The following TMEM232 variants were observed in gnomAD, a reference collection of about 807,000 sequenced individuals.
TMEM232 encodes transmembrane protein 232.
In TMEM232, 80 loss-of-function variants were observed where a neutral mutation model predicts 78.8. The observed-to-expected ratio is 1.01, with a 90% confidence interval of 0.85 to 1.22. TMEM232 has a LOEUF of 1.22. Among genes scored for constraint, TMEM232 ranks in the 50% most tolerant of loss-of-function variants. The pLI is 0.00. For synonymous variants in TMEM232, 297 were observed against 254.3 expected (o/e 1.17, Z -1.60); for missense variants, 881 against 742.2 (o/e 1.19, Z -2.17).
intron 1 of TMEM232, among the ~76,000 whole-genome samples, chr5:110,690,943 G>A (rs577122758): frequency 6.6e-6 from 1 of 152,110 alleles, no homozygotes; most frequent in Non-Finnish European, 1.5e-5. Flanking sequence ...GTGGACATAG[G>A]GAGGGGAACG....
At chr5:110,469,553 G>A (rs1055720112) in intron 12 of TMEM232, among the ~76,000 whole-genome samples, 8 of 152,112 alleles carry the variant, frequency 5.3e-5, no homozygotes, top group African/African-American at 1.9e-4. Context: ...CATGGAACCT[G>A]AGCTAAAGCT....
intron 4 of TMEM232, among the ~76,000 whole-genome samples, chr5:110,639,305 G>T (rs1338832387): frequency 6.6e-6 from 1 of 152,188 alleles, no homozygotes; most frequent in South Asian, 2.1e-4. Context: ...TGTGAAGAGA[G>T]TAAGAAGTCA....
At chr5:110,561,844 A>G (rs540134860) in intron 11 of TMEM232, among the ~76,000 whole-genome samples, 50 of 152,220 alleles carry the variant, frequency 3.3e-4, no homozygotes, top group African/African-American at 1.1e-3. Flanking sequence ...CCAGCTGGAT[A>G]ATGCACTTAT....
At chr5:110,647,897 A>G (rs994618952) in intron 2 of TMEM232, among the ~76,000 whole-genome samples, 2 of 152,024 alleles carry the variant, frequency 1.3e-5, no homozygotes, top group African/African-American at 4.8e-5. Context: ...TATTTTGGTT[A>G]CCACCTCTGC....
chr5:110,686,870 A>T (rs965568158), intron 1 of TMEM232, among the ~76,000 whole-genome samples: 1 of 152,132 alleles, frequency 6.6e-6, no homozygotes, highest in Non-Finnish European at 1.5e-5. Context: ...GGCTCTGTCT[A>T]AATCTTCCTT....
chr5:110,479,094 G>A (rs2149391526), intron 12 of TMEM232, among the ~76,000 whole-genome samples: 1 of 151,470 alleles, frequency 6.6e-6, no homozygotes, highest in South Asian at 2.1e-4. Context: ...TCTATATATA[G>A]CTTCGTGACT....
chr5:110,665,557 A>G (rs1301875536), intron 2 of TMEM232, among the ~76,000 whole-genome samples: 1 of 152,086 alleles, frequency 6.6e-6, no homozygotes, highest in Non-Finnish European at 1.5e-5. Context: ...AGCACCAGAC[A>G]CCTATCAAAC....
Position 110,641,033 on chromosome 5 carries a change from G to C in TMEM232, c.238-37C>G, listed in dbSNP as rs925331427. ...AAGCATGAAAAAGACAAATCAAAAT[G>C]TACATATTTTTATATATATATTTAT... On this transcript the variant is annotated intron_variant, in intron 3 of 13. Coordinates refer to ENST00000455884, the MANE Select transcript of TMEM232 (RefSeq NM_001039763.4). The C allele has an allele frequency of 5.4e-6, 7 of 1,286,702 alleles. No homozygotes were observed. In the African/African-American group the frequency reaches 1.1e-4, roughly 20 times the overall value. 79.7% of individuals were successfully genotyped at this position (1,286,702 alleles called of 1,614,324 possible). A position where few individuals can be genotyped will look rare whatever the true frequency, so the allele number is the denominator to read the frequency against.
upstream of TMEM232, among the ~76,000 whole-genome samples, chr5:110,729,560 T>C (rs184235427): frequency 6.6e-6 from 1 of 152,222 alleles, no homozygotes; most frequent in Non-Finnish European, 1.5e-5. Context: ...AACGGCAGAT[T>C]ATATTTTCTC....
intron 11 of TMEM232, among the ~76,000 whole-genome samples, chr5:110,562,812 T>C (rs1363562021): frequency 2.0e-5 from 3 of 151,986 alleles, no homozygotes; most frequent in Non-Finnish European, 4.4e-5. Flanking sequence ...ATATCTGTAG[T>C]GTCTTAATAT....
intron 2 of TMEM232, among the ~76,000 whole-genome samples, chr5:110,661,078 A>G (rs1471382629): frequency 1.3e-5 from 2 of 152,176 alleles, no homozygotes; most frequent in East Asian, 3.8e-4. Flanking sequence ...GTGAGTGACA[A>G]TAGCGGTATT....
chr5:110,540,752 T>C (rs1327122681), intron 11 of TMEM232, among the ~76,000 whole-genome samples: 2 of 152,190 alleles, frequency 1.3e-5, no homozygotes, highest in Non-Finnish European at 2.9e-5. Flanking sequence ...TGAGCATTAA[T>C]GTTGGGACAA....
chr5:110,647,991 G>A (rs956254038), intron 2 of TMEM232, among the ~76,000 whole-genome samples: 3 of 151,950 alleles, frequency 2.0e-5, no homozygotes, highest in Non-Finnish European at 4.4e-5. Context: ...ATAAGAGAAT[G>A]AAAAGGCAAA....
chr5:110,535,030 A>T (rs572261965), intron 11 of TMEM232, among the ~76,000 whole-genome samples: 2 of 151,914 alleles, frequency 1.3e-5, no homozygotes, highest in Admixed American at 1.3e-4. Context: ...ATCACCCATT[A>T]TCTCTCCATA....
chr5:110,642,434 A>C (rs888560239), intron 2 of TMEM232, 63 bp from the exon 3 acceptor site: 2 of 1,182,834 alleles, frequency 1.7e-6, no homozygotes, highest in Non-Finnish European at 2.3e-6. Flanking sequence ...AATTTCAATT[A>C]ATCAACTTCC....
chr5:110,524,343 AAG>A (rs142059036), intron 12 of TMEM232, among the ~76,000 whole-genome samples: 1,815 of 136,348 alleles, frequency 0.013, 34 homozygotes, highest in African/African-American at 0.037. Context: ...GAGAAAAAGA[AAG>A]AGAAAGAAAG....
At chr5:110,426,314 T>C (rs1480186612) in intron 12 of TMEM232, among the ~76,000 whole-genome samples, 2 of 152,094 alleles carry the variant, frequency 1.3e-5, no homozygotes, top group Non-Finnish European at 2.9e-5. Flanking sequence ...GAGTATGAGC[T>C]ACATGATCAT....
intron 2 of TMEM232, chr5:110,666,985 C>T (rs1790676337): frequency 9.6e-6 from 3 of 312,660 alleles, no homozygotes. Context: ...CTCATGCAAT[C>T]TATGCATTAT....
chr5:110,528,747 A>G lies in TMEM232; in HGVS notation c.1544T>C (p.Ile515Thr), dbSNP rs1034969862. 2.0e-6 allele frequency: 3 copies of G among 1,533,916 alleles called. No homozygotes were observed. The highest frequency in any genetic ancestry group is 2.0e-5 in the Admixed American group (1 of 50,810). ...AAGAGTGTTGGCAATTCTCCACCCA[A>G]TATATTTGGAGAAAACTTCTTCTCC... ...NVGEEVFSKY[I>T]GWRIANTLSK... Residue 515 changes from isoleucine (I) to threonine (T), a missense_variant, in exon 12 of 14, where the codon ATT becomes ACT. Physicochemically the swap from Ile to Thr is moderately conservative, Grantham distance 89 (BLOSUM62 -1). Transcript: ENST00000455884.
Sources: allele counts gnomAD v4.1 joint callset (sites outside exome capture counted in the v4.1 genomes callset), GRCh38; gene constraint gnomAD v4.1.1; transcripts MANE v1.5; gene names NCBI Gene and HGNC (gene_info 2026-07-23, HGNC 2026-07-21).